BAIAP2L1: variants seen among roughly 807,000 people sequenced by gnomAD.
BAIAP2L1 encodes BAR/IMD domain containing adaptor protein 2 like 1.
In BAIAP2L1, 35 loss-of-function variants were observed where a neutral mutation model predicts 66.3. The ratio of observed to expected loss-of-function variants is 0.53; its 90% CI spans 0.40 to 0.70. The LOEUF (loss-of-function observed/expected upper bound fraction) is 0.70, where lower values mean the gene tolerates loss of function less well. BAIAP2L1 is among the 30% of genes least tolerant of loss of function. The pLI is 0.00. For missense variants in BAIAP2L1, 622 were observed against 656.9 expected, an observed-to-expected ratio of 0.95 and a Z score of 0.58; for synonymous variants, 269 against 248.7, an observed-to-expected ratio of 1.08 and a Z score of -0.77.
At position 98,400,960 on chromosome 7, in the gene BAIAP2L1, TC is replaced by T; in HGVS notation, c.-109del. The T allele has an allele frequency of 9.6e-7, 1 of 1,042,328 alleles. No individual in the cohort carries two copies. The highest frequency in any genetic ancestry group is 4.4e-5 in the Admixed American group (1 of 22,978). The allele number at this position is 1,042,328 out of a possible 1,614,324, so 64.6% of individuals were successfully genotyped here. A position where few individuals can be genotyped will look rare whatever the true frequency, so the allele number is the denominator to read the frequency against. ...GGCGCGACTAAGGGGCTCTGGAGGGTCGGCCGCCGCCGCAGCCGTCGGCCCG... is the reference window on the plus strand; with the variant it reads ...GGCGCGACTAAGGGGCTCTGGAGGGTGGCCGCCGCCGCAGCCGTCGGCCCG... On this transcript the variant is annotated 5_prime_UTR_variant, in exon 1 of 14. Coordinates refer to ENST00000005260, the MANE Select transcript of BAIAP2L1 (RefSeq NM_018842.5).
chr7:98,364,434 G>C (rs1328849111), intron 1 of BAIAP2L1, among the ~76,000 whole-genome samples: 1 of 152,076 alleles, frequency 6.6e-6, no homozygotes, highest in East Asian at 1.9e-4. Flanking sequence ...CCACCATCTT[G>C]CTCAGTGTGG....
At chr7:98,373,083 A>G (rs1416597000) in intron 1 of BAIAP2L1, among the ~76,000 whole-genome samples, 1 of 152,146 alleles carries the variant, frequency 6.6e-6, no homozygotes, top group Admixed American at 6.6e-5. Context: ...CTTCTTCCTT[A>G]AGTGTTGCTG....
intron 12 of BAIAP2L1, among the ~76,000 whole-genome samples, chr7:98,296,073 GA>G (rs1800178025): frequency 6.6e-6 from 1 of 152,096 alleles, no homozygotes; most frequent in Non-Finnish European, 1.5e-5. Flanking sequence ...CCGTCAATGG[GA>G]GAGTCAGAAC....
At chr7:98,305,837 T>A (rs1028800084) in intron 11 of BAIAP2L1, among the ~76,000 whole-genome samples, 1 of 152,170 alleles carries the variant, frequency 6.6e-6, no homozygotes, top group Non-Finnish European at 1.5e-5. Context: ...ACTGTTAGTA[T>A]CTGATCTGGA....
intron 1 of BAIAP2L1, among the ~76,000 whole-genome samples, chr7:98,394,819 A>G (rs1018980630): frequency 2.6e-5 from 4 of 152,232 alleles, no homozygotes; most frequent in Non-Finnish European, 5.9e-5. Flanking sequence ...GAATAGTCTG[A>G]ACATAATCCC....
chr7:98,306,445 G>A lies in BAIAP2L1; in HGVS notation c.1235C>T (p.Thr412Met), dbSNP rs751577726. The change falls in exon 11 of 14, where the codon ACG becomes ATG. Residue 412 changes from threonine (T) to methionine (M), a missense_variant. Physicochemically the swap from Thr to Met is moderately conservative, Grantham distance 81. Transcript: ENST00000005260. The part of the protein sequence containing the change: ...ENETEAVTVP[T>M]PSPTPVRSIS... ...CAGCCACGTTCAGGGCTACCTTGGC[G>A]TGGGCACGGTCACTGCTTCTGTCTC... The A allele has an allele frequency of 4.3e-6, 7 of 1,614,200 alleles. No homozygotes were observed. The South Asian group carries it at 6.6e-5, about 15-fold the overall frequency.
intron 3 of BAIAP2L1, among the ~76,000 whole-genome samples, chr7:98,351,233 T>C (rs952357235): frequency 2.6e-5 from 4 of 152,076 alleles, no homozygotes; most frequent in Non-Finnish European, 5.9e-5. Context: ...AAAACATCAC[T>C]CCACTCAGAC....
chr7:98,348,896 C>T (rs1562779718), intron 3 of BAIAP2L1, among the ~76,000 whole-genome samples: 1 of 152,264 alleles, frequency 6.6e-6, no homozygotes, highest in Non-Finnish European at 1.5e-5. Flanking sequence ...TCCCGAGCAT[C>T]TCTTAGGTGC....
At chr7:98,339,450 T>A (rs535776550) in intron 3 of BAIAP2L1, among the ~76,000 whole-genome samples, 1 of 152,192 alleles carries the variant, frequency 6.6e-6, no homozygotes, top group East Asian at 1.9e-4. Flanking sequence ...AAAGAGTACA[T>A]AGGGAAGTGC....
At chr7:98,307,578 C>G (rs1800705251) in intron 10 of BAIAP2L1, 111 bp downstream of exon 10, 2 of 1,508,286 alleles carry the variant, frequency 1.3e-6, no homozygotes, top group Non-Finnish European at 1.8e-6. Context: ...AAACCATAAA[C>G]TTAACTTTGG....
At chr7:98,338,688 A>C (rs879171338) in intron 3 of BAIAP2L1, among the ~76,000 whole-genome samples, 1 of 152,052 alleles carries the variant, frequency 6.6e-6, no homozygotes, top group Admixed American at 6.6e-5. Context: ...ATAATATTCC[A>C]TTTTGTTTTT....
intron 12 of BAIAP2L1, among the ~76,000 whole-genome samples, chr7:98,300,407 G>A (rs902893495): frequency 2.0e-5 from 3 of 152,236 alleles, no homozygotes; most frequent in African/African-American, 7.2e-5. Flanking sequence ...TACAGAGGCT[G>A]GATGCGGGTG....
chr7:98,382,026 C>T (rs192234547), intron 1 of BAIAP2L1, among the ~76,000 whole-genome samples: 1,529 of 150,894 alleles, frequency 0.01, 12 homozygotes, highest in South Asian at 0.025. Context: ...CCTGAGTTCA[C>T]GCCATTCTCC....
rs553789234 is a variant in BAIAP2L1, at chr7:98,344,480, A to T, written c.214+10562T>A. On this transcript the variant is annotated intron_variant, in intron 3 of 13. Coordinates refer to ENST00000005260, the MANE Select transcript of BAIAP2L1 (RefSeq NM_018842.5). Reference sequence around the variant, plus strand: ...ATCTAATAGAATAGATTCTATTCATAAAGGACCTTTTATTTTAAGGAGGAA... The same window carrying T: ...ATCTAATAGAATAGATTCTATTCATTAAGGACCTTTTATTTTAAGGAGGAA... Among the ~76,000 whole-genome samples the T allele has an allele frequency of 1.4e-4, 22 of 152,330 alleles. No individual in the cohort carries two copies. In the East Asian group the frequency reaches 3.9e-3, roughly 27 times the overall value.
At position 98,372,897 on chromosome 7, in the gene BAIAP2L1, G is replaced by A. The variant is rs145432791; in HGVS notation, c.52-10465C>T. ...TGGGATTACAGGCACCCACCACCAC[G>A]CCCAGCTAATTTTTGTATTCTTGGT... On this transcript the variant is annotated intron_variant, in intron 1 of 13. Transcript: ENST00000005260. 4.7e-4 allele frequency among the ~76,000 whole-genome samples: 71 copies of A among 152,108 alleles called. 1 individual carries two copies. The East Asian group carries it at 0.013, about 29-fold the overall frequency.
At chr7:98,305,790 A>T (rs1289292398) in intron 11 of BAIAP2L1, among the ~76,000 whole-genome samples, 3 of 152,202 alleles carry the variant, frequency 2.0e-5, no homozygotes, top group Non-Finnish European at 4.4e-5. Flanking sequence ...TGAAAAAATC[A>T]ATGCAAAGTC....
intron 2 of BAIAP2L1, among the ~76,000 whole-genome samples, chr7:98,356,716 C>G (rs892959071): frequency 6.7e-6 from 1 of 148,708 alleles, no homozygotes. Flanking sequence ...GTGGCTTACA[C>G]CTGTACTCCT....
intron 3 of BAIAP2L1, among the ~76,000 whole-genome samples, chr7:98,324,698 T>C (rs1801335516): frequency 6.6e-6 from 1 of 151,798 alleles, no homozygotes; most frequent in Non-Finnish European, 1.5e-5. Flanking sequence ...CAAAAAAAAA[T>C]TAAAAATTAG....
intron 8 of BAIAP2L1, among the ~76,000 whole-genome samples, chr7:98,310,888 G>A (rs1471683357): frequency 6.6e-6 from 1 of 151,972 alleles, no homozygotes; most frequent in Non-Finnish European, 1.5e-5. Context: ...GTTTCACCAT[G>A]TTAGCCAGGC....
Sources: gnomAD v4.1 joint callset for allele counts (sites outside exome capture counted in the v4.1 genomes callset) on GRCh38, gnomAD v4.1.1 for gene constraint, MANE v1.5 for transcripts, NCBI Gene and HGNC (gene_info 2026-07-23, HGNC 2026-07-21) for gene names.